SLFN12L: variants seen among roughly 807,000 people sequenced by gnomAD.
SLFN12L encodes the protein schlafen family member 12 like, also known as schlafen family member 12-like.
In SLFN12L, 34 loss-of-function variants were observed where a neutral mutation model predicts 34.8. That is an observed-to-expected ratio of 0.98 (90% CI 0.74 to 1.30). SLFN12L has a LOEUF of 1.30. SLFN12L is among the 50% of genes most tolerant of loss of function. The pLI is 0.00. For missense variants in SLFN12L, 703 were observed against 696.2 expected (o/e 1.01, Z -0.11); for synonymous variants, 259 against 247.5 (o/e 1.05, Z -0.44).
chr17:35,465,438 A>C lies in SLFN12L; in HGVS notation c.*9485T>G, dbSNP rs1323088006. On this transcript the variant is annotated 3_prime_UTR_variant, in exon 5 of 5. Transcript: ENST00000628453. Reference sequence around the variant, plus strand: ...TCGTATTGAACATAGACTCCATGTCACAATAAATAATAAATTAAAATTAAA... The same window carrying C: ...TCGTATTGAACATAGACTCCATGTCCCAATAAATAATAAATTAAAATTAAA... 6.6e-6 allele frequency among the ~76,000 whole-genome samples: 1 copy of C among 152,066 alleles called. No homozygotes were observed. The highest frequency in any genetic ancestry group is 2.4e-5 in the African/African-American group (1 of 41,386).
chr17:35,526,058 T>G (rs1325758913), intron 1 of SLFN12L, among the ~76,000 whole-genome samples: 6 of 152,072 alleles, frequency 3.9e-5, no homozygotes, highest in Non-Finnish European at 8.8e-5. Flanking sequence ...GGTTTCAATC[T>G]TAGTCTCTGA....
chr17:35,487,012 G>T (rs1268642815), intron 2 of SLFN12L, among the ~76,000 whole-genome samples: 1 of 152,220 alleles, frequency 6.6e-6, no homozygotes, highest in Non-Finnish European at 1.5e-5. Flanking sequence ...AACCAGCAGC[G>T]CAAGAGGGTG....
intron 2 of SLFN12L, among the ~76,000 whole-genome samples, chr17:35,511,174 C>T (rs1311823126): frequency 6.6e-6 from 1 of 151,958 alleles, no homozygotes; most frequent in Non-Finnish European, 1.5e-5. Context: ...TTTTCTTTTT[C>T]TCCAATCCCT....
rs556728661 is a variant in SLFN12L, at chr17:35,486,203, G to A, written c.87-6008C>T. On this transcript the variant is annotated intron_variant, in intron 2 of 4. Coordinates refer to ENST00000628453, the MANE Select transcript of SLFN12L (RefSeq NM_001363830.2). ...TCAGCAGTGTTTCATAGTTCTCCTC[G>A]TAAAGTTCTTTCACCTCCTTGATTA... is the stretch of plus-strand genomic sequence containing the variant. Among the ~76,000 whole-genome samples, 9 of 152,200 alleles carry A rather than the reference G, an allele frequency of 5.9e-5. No homozygotes were observed. In the South Asian group the frequency reaches 1.7e-3, roughly 28 times the overall value.
At chr17:35,487,662 C>T (rs1372392945) in intron 2 of SLFN12L, 9 of 1,489,940 alleles carry the variant, frequency 6.0e-6, no homozygotes, top group Non-Finnish European at 8.1e-6. Flanking sequence ...GTTCTCGTTT[C>T]GTCTGTACCT....
chr17:35,522,217 T>C (rs1015137853), intron 2 of SLFN12L, 62 bp downstream of exon 2: 15 of 1,596,354 alleles, frequency 9.4e-6, no homozygotes, highest in Non-Finnish European at 1.3e-5. Context: ...ACAAGGTGAC[T>C]TAGCAGAGAA....
At chr17:35,478,226 T>C in intron 3 of SLFN12L, 41 bp from the exon 4 acceptor site, 1 of 1,355,706 alleles carries the variant, frequency 7.4e-7, no homozygotes, top group Non-Finnish European at 1.0e-6. Flanking sequence ...CGCTCTTAAT[T>C]TGGCATGGGA....
chr17:35,492,744 C>A (rs188808277), intron 2 of SLFN12L, among the ~76,000 whole-genome samples: 2 of 152,150 alleles, frequency 1.3e-5, no homozygotes, highest in Non-Finnish European at 2.9e-5. Flanking sequence ...GGCTTTCCCT[C>A]GGGCAGGTGG....
chr17:35,482,208 A>G (rs1914370355), intron 2 of SLFN12L, among the ~76,000 whole-genome samples: 1 of 152,210 alleles, frequency 6.6e-6, no homozygotes. Flanking sequence ...CTCTACCTTG[A>G]ATGTTTGCAT....
intron 2 of SLFN12L, among the ~76,000 whole-genome samples, chr17:35,496,079 C>G (rs117307642): frequency 6.6e-6 from 1 of 151,956 alleles, no homozygotes; most frequent in Admixed American, 6.6e-5. Context: ...ACCCCCGGAA[C>G]GGCTGTCACA....
chr17:35,490,250 C>A, intron 2 of SLFN12L: 1 of 1,539,020 alleles, frequency 6.5e-7, no homozygotes, highest in East Asian at 2.2e-5. Flanking sequence ...AAGCGGTCAT[C>A]AGTACCTCTC....
intron 2 of SLFN12L, chr17:35,490,032 C>A: frequency 1.2e-6 from 2 of 1,601,478 alleles, no homozygotes; most frequent in Admixed American, 3.3e-5. Flanking sequence ...ACGAACACTT[C>A]CACCACCTCC....
chr17:35,469,583 A>G lies in SLFN12L; in HGVS notation c.*5340T>C, dbSNP rs1187440246. 6.6e-6 allele frequency among the ~76,000 whole-genome samples: 1 copy of G among 151,912 alleles called. No individual in the cohort carries two copies. Among genetic ancestry groups the G allele is most frequent in the Non-Finnish European group, 1.5e-5 (1 of 68,010 alleles). On this transcript the variant is annotated 3_prime_UTR_variant, in exon 5 of 5. Coordinates refer to ENST00000628453, the MANE Select transcript of SLFN12L (RefSeq NM_001363830.2). ...ACCCCATCCTTTAAATAAGTCCACT[A>G]TTACCACCCCAGGTTTCTTACGATG...
intron 2 of SLFN12L, chr17:35,498,706 T>A: frequency 6.4e-7 from 1 of 1,556,772 alleles, no homozygotes; most frequent in Non-Finnish European, 8.7e-7. Context: ...AACAATTACG[T>A]GGTCCATCTC....
chr17:35,536,703 G>A (rs2072464625), intron 1 of SLFN12L, among the ~76,000 whole-genome samples: 1 of 151,780 alleles, frequency 6.6e-6, no homozygotes, highest in Non-Finnish European at 1.5e-5. Flanking sequence ...AGCTCCTCGA[G>A]AGTCTGAGAC....
At chr17:35,483,955 G>T (rs1254739289) in intron 2 of SLFN12L, among the ~76,000 whole-genome samples, 1 of 152,192 alleles carries the variant, frequency 6.6e-6, no homozygotes, top group Non-Finnish European at 1.5e-5. Flanking sequence ...GACAATTGGG[G>T]TTACATCAAG....
intron 1 of SLFN12L, among the ~76,000 whole-genome samples, chr17:35,530,117 C>CTTTTTTTT (rs35836415): frequency 1.8e-5 from 2 of 109,476 alleles, no homozygotes; most frequent in African/African-American, 6.9e-5. Context: ...ACTGCTTTGT[C>CTTTTTTTT]TTTTTTTTTT....
Position 35,475,221 on chromosome 17 carries a change from G to T in SLFN12L, c.1541C>A (p.Thr514Lys), listed in dbSNP as rs1298961365. ...CTGTTTTAAAGTTTGGGCAGTTTGTGTAGAATAGTCTTTAAACTCCTCATC... is the reference window on the plus strand; with the variant it reads ...CTGTTTTAAAGTTTGGGCAGTTTGTTTAGAATAGTCTTTAAACTCCTCATC... ...VQDEEFKDYS[T>K]QTAQTLKQKL... The change falls in exon 5 of 5, where the codon ACA (threonine) becomes AAA (lysine). Residue 514 changes from threonine (T) to lysine (K), a missense_variant. By Grantham distance (78) the Thr-to-Lys change is moderately conservative. Transcript: ENST00000628453. 1.9e-6 allele frequency: 3 copies of T among 1,614,058 alleles called. No individual in the cohort carries two copies. In the African/African-American group the frequency reaches 4.0e-5, roughly 22 times the overall value.
intron 2 of SLFN12L, chr17:35,498,460 T>C (rs535955607): frequency 7.9e-7 from 1 of 1,272,676 alleles, no homozygotes; most frequent in South Asian, 1.2e-5. Flanking sequence ...AATTTTCTCA[T>C]CGATTCTGAT....
Sources: gnomAD v4.1 joint callset for allele counts (sites outside exome capture counted in the v4.1 genomes callset) on GRCh38, gnomAD v4.1.1 for gene constraint, MANE v1.5 for transcripts, NCBI Gene and HGNC (gene_info 2026-07-23, HGNC 2026-07-21) for gene names.